Variants in CADM2 observed in about 807,000 individuals in gnomAD.
CADM2 encodes cell adhesion molecule 2, also known as immunoglobulin superfamily member 4D.
Under a neutral mutation model 49.8 loss-of-function variants are expected in CADM2, and 12 were observed. The ratio of observed to expected loss-of-function variants is 0.24; its 90% CI spans 0.15 to 0.39. The LOEUF (loss-of-function observed/expected upper bound fraction) is 0.39. Ranked by LOEUF, CADM2 falls within the 10% of genes least tolerant of loss-of-function variation. The probability of loss-of-function intolerance (pLI) is 1.00; values close to 1 mark genes in which losing one functional copy is unlikely to be tolerated. For synonymous variants in CADM2, 214 were observed against 175.4 expected (o/e 1.22, Z -1.74); for missense variants, 378 against 492.3 (o/e 0.77, Z 2.20).
chr3:85,765,891 T>C (rs750805488), intron 2 of CADM2, among the ~76,000 whole-genome samples: 2 of 152,072 alleles, frequency 1.3e-5, no homozygotes, highest in Non-Finnish European at 1.5e-5. Context: ...AATGTTTGTG[T>C]TTTCCAACAG....
intron 1 of CADM2, among the ~76,000 whole-genome samples, chr3:85,204,528 C>T (rs767798177): frequency 1.3e-5 from 2 of 152,112 alleles, no homozygotes; most frequent in Non-Finnish European, 2.9e-5. Context: ...CTCACTATTA[C>T]TTAGGCACAT....
rs770807742 is a variant in CADM2, at chr3:85,961,449, T to C, written c.792-20T>C. On this transcript the variant is annotated intron_variant, in intron 7 of 9. Coordinates refer to ENST00000383699, the MANE Select transcript of CADM2 (RefSeq NM_001167675.2). The stretch of plus-strand genomic sequence containing the variant: ...ACATTTCTTATTTTTGCTATCTACA[T>C]GCATGTTTCAATCCAATAGGCCAGA... The C allele has an allele frequency of 3.2e-6, 5 of 1,552,192 alleles. No individual in the cohort carries two copies. Among genetic ancestry groups the C allele is most frequent in the Non-Finnish European group, 4.4e-6 (5 of 1,139,682 alleles).
At chr3:85,559,210 A>G (rs998325280) in intron 1 of CADM2, among the ~76,000 whole-genome samples, 2 of 152,250 alleles carry the variant, frequency 1.3e-5, no homozygotes, top group African/African-American at 4.8e-5. Context: ...AAATATAAGC[A>G]TATTTATGTA....
intron 1 of CADM2, among the ~76,000 whole-genome samples, chr3:85,444,427 G>T (rs926205057): frequency 7.2e-6 from 1 of 139,256 alleles, no homozygotes; most frequent in Non-Finnish European, 1.6e-5. Context: ...CTGGCTTCTT[G>T]TCTTTTCCTA....
At position 85,046,158 on chromosome 3, in the gene CADM2, A is replaced by G. The variant is rs1559633157; in HGVS notation, c.61+86490A>G. ...GTTTAATAATTCTGACTACACTGCC[A>G]GTCATAAGTCATACTCATTCAATCG... On this transcript the variant is annotated intron_variant, in intron 1 of 9. Transcript: ENST00000383699. Among the ~76,000 whole-genome samples the G allele has an allele frequency of 2.6e-5, 4 of 152,204 alleles. No homozygotes were observed. In the East Asian group the frequency reaches 7.7e-4, roughly 29 times the overall value.
At chr3:85,845,943 T>C (rs2074859046) in intron 3 of CADM2, among the ~76,000 whole-genome samples, 1 of 152,104 alleles carries the variant, frequency 6.6e-6, no homozygotes, top group Non-Finnish European at 1.5e-5. Flanking sequence ...GGGTTCATAG[T>C]AAACTCTTAA....
chr3:85,263,013 GAC>G (rs1171557672), intron 1 of CADM2, among the ~76,000 whole-genome samples: 1 of 149,880 alleles, frequency 6.7e-6, no homozygotes, highest in Non-Finnish European at 1.5e-5. Flanking sequence ...TTGTTTTGGA[GAC>G]AGAGTCTTGC....
At chr3:85,777,231 A>G (rs9813495) in intron 2 of CADM2, among the ~76,000 whole-genome samples, 22,128 of 150,768 alleles carry the variant, frequency 0.15, 2,020 homozygotes, top group Non-Finnish European at 0.2. Context: ...AACATTTGCT[A>G]TGGTTTTTAA....
chr3:86,016,271 T>A (rs975585265), intron 8 of CADM2, among the ~76,000 whole-genome samples: 1 of 152,102 alleles, frequency 6.6e-6, no homozygotes, highest in South Asian at 2.1e-4. Context: ...TACTTGGGAA[T>A]GTATGCAAAC....
At chr3:85,266,849 G>T (rs2043131483) in intron 1 of CADM2, among the ~76,000 whole-genome samples, 1 of 151,798 alleles carries the variant, frequency 6.6e-6, no homozygotes. Context: ...GACATTGCTA[G>T]TCAACTTAAA....
chr3:85,794,404 A>G (rs1473450788), intron 2 of CADM2, among the ~76,000 whole-genome samples: 1 of 152,194 alleles, frequency 6.6e-6, no homozygotes, highest in Non-Finnish European at 1.5e-5. Flanking sequence ...TAAACAGTGT[A>G]GCTGATTAAA....
intron 1 of CADM2, among the ~76,000 whole-genome samples, chr3:85,423,705 ACTGATGTGGTCCCT>A (rs765222747): frequency 1.3e-5 from 2 of 152,130 alleles, no homozygotes; most frequent in Non-Finnish European, 2.9e-5. Context: ...TTGCCCAGAG[ACTGATGTGGTCCCT>A]CTAACATCCA....
At chr3:85,496,569 T>G (rs1360797122) in intron 1 of CADM2, among the ~76,000 whole-genome samples, 1 of 152,190 alleles carries the variant, frequency 6.6e-6, no homozygotes, top group Non-Finnish European at 1.5e-5. Context: ...CTAATGGGAT[T>G]GCTAGGTCAA....
intron 1 of CADM2, among the ~76,000 whole-genome samples, chr3:85,088,619 A>G (rs564474824): frequency 4.1e-4 from 62 of 152,236 alleles, no homozygotes; most frequent in African/African-American, 1.4e-3. Context: ...TATTTGGATC[A>G]AATAAGCAGA....
chr3:85,931,691 G>A (rs1473851883), intron 6 of CADM2, among the ~76,000 whole-genome samples: 3 of 151,862 alleles, frequency 2.0e-5, no homozygotes, highest in Non-Finnish European at 4.4e-5. Context: ...AAATAAGCAA[G>A]GAATCTCTCC....
intron 1 of CADM2, among the ~76,000 whole-genome samples, chr3:85,228,376 A>G (rs1014998039): frequency 4.0e-5 from 6 of 151,786 alleles, no homozygotes; most frequent in Non-Finnish European, 5.9e-5. Context: ...CATTAAGTTA[A>G]TCTTCAGTCA....
At chr3:85,195,875 T>C (rs903138487) in intron 1 of CADM2, among the ~76,000 whole-genome samples, 1 of 152,124 alleles carries the variant, frequency 6.6e-6, no homozygotes, top group Non-Finnish European at 1.5e-5. Context: ...TATCTAGATA[T>C]AATGAAACAG....
chr3:85,540,596 A>G (rs1488742984), intron 1 of CADM2, among the ~76,000 whole-genome samples: 1 of 152,084 alleles, frequency 6.6e-6, no homozygotes, highest in Non-Finnish European at 1.5e-5. Flanking sequence ...CCTCCTCTGT[A>G]CTCTAGTACA....
intron 1 of CADM2, among the ~76,000 whole-genome samples, chr3:85,581,617 G>T (rs960090835): frequency 2.0e-5 from 3 of 151,960 alleles, no homozygotes; most frequent in Non-Finnish European, 4.4e-5. Flanking sequence ...ATTTAAGAGG[G>T]CATTTAAATT....
Sources: allele counts gnomAD v4.1 joint callset (sites outside exome capture counted in the v4.1 genomes callset), GRCh38; gene constraint gnomAD v4.1.1; transcripts MANE v1.5; gene names NCBI Gene and HGNC (gene_info 2026-07-23, HGNC 2026-07-21).